Variants in ZRANB3 observed in about 807,000 individuals in gnomAD.
ZRANB3 encodes the protein DNA annealing helicase and endonuclease ZRANB3.
A neutral mutation model predicts 133.8 loss-of-function variants in ZRANB3; 125 were observed. The ratio of observed to expected loss-of-function variants is 0.93; its 90% confidence interval spans 0.81 to 1.08. The LOEUF is 1.08. Among genes scored for constraint, ZRANB3 ranks in the 50% least tolerant of loss-of-function variants. The pLI is 0.00. For synonymous variants in ZRANB3, 387 were observed against 432.7 expected (o/e 0.89, Z 1.31); for missense variants, 1,229 against 1,275.5 (o/e 0.96, Z 0.56).
At position 135,397,000 on chromosome 2, in the gene ZRANB3, G is replaced by A. The variant is rs369978115; in HGVS notation, c.162-6180C>T. On this transcript the variant is annotated intron_variant, in intron 2 of 20. Coordinates refer to ENST00000264159, the MANE Select transcript of ZRANB3 (RefSeq NM_032143.4). ...AATATTAGCCAGGTGTGTTATCCACGCCTGTAGTCTCAGCTACTAGGGATG... is the reference window on the plus strand; with the variant it reads ...AATATTAGCCAGGTGTGTTATCCACACCTGTAGTCTCAGCTACTAGGGATG... 2.6e-5 allele frequency among the ~76,000 whole-genome samples: 4 copies of A among 151,988 alleles called. 1 individual carries two copies. The highest frequency in any genetic ancestry group is 4.2e-4 in the South Asian group (2 of 4,794).
At chr2:135,209,269 G>A (rs906011346) in intron 17 of ZRANB3, among the ~76,000 whole-genome samples, 16 of 152,164 alleles carry the variant, frequency 1.1e-4, no homozygotes, top group African/African-American at 3.4e-4. Context: ...AAAAGGAGTC[G>A]GTGTGAGAAT....
At chr2:135,509,557 G>T (rs1466881546) in intron 1 of ZRANB3, among the ~76,000 whole-genome samples, 2 of 152,002 alleles carry the variant, frequency 1.3e-5, no homozygotes, top group Admixed American at 6.6e-5. Flanking sequence ...CAATTGCCAA[G>T]ACTAAAATCA....
At chr2:135,464,073 G>T (rs376582729) in intron 2 of ZRANB3, among the ~76,000 whole-genome samples, 14 of 152,138 alleles carry the variant, frequency 9.2e-5, no homozygotes, top group African/African-American at 1.4e-4. Flanking sequence ...AAAATCTCAA[G>T]GATCAAGGAT....
chr2:135,422,719 G>A (rs756137755), intron 2 of ZRANB3, among the ~76,000 whole-genome samples: 2 of 151,664 alleles, frequency 1.3e-5, no homozygotes, highest in African/African-American at 4.9e-5. Context: ...GGAGGAGAGG[G>A]TGTGAAGATG....
At chr2:135,472,377 G>A (rs1386134397) in intron 2 of ZRANB3, among the ~76,000 whole-genome samples, 4 of 152,012 alleles carry the variant, frequency 2.6e-5, no homozygotes, top group African/African-American at 4.8e-5. Flanking sequence ...GCATGTGCCT[G>A]TAGTCCCAGC....
At chr2:135,386,597 G>C (rs1686985567) in intron 3 of ZRANB3, among the ~76,000 whole-genome samples, 1 of 152,290 alleles carries the variant, frequency 6.6e-6, no homozygotes, top group African/African-American at 2.4e-5. Flanking sequence ...CAACCCAAAT[G>C]TCCATCAATG....
intron 12 of ZRANB3, among the ~76,000 whole-genome samples, chr2:135,236,749 G>A (rs757127553): frequency 0.06 from 9,041 of 151,706 alleles, 494 homozygotes; most frequent in African/African-American, 0.16. Context: ...TAGAAAGCTG[G>A]AAGTGGATCC....
intron 1 of ZRANB3, among the ~76,000 whole-genome samples, chr2:135,505,340 C>T (rs1693127200): frequency 6.6e-6 from 1 of 151,998 alleles, no homozygotes; most frequent in African/African-American, 2.4e-5. Context: ...CTCTGGGAGG[C>T]CGAGGTGGGT....
intron 3 of ZRANB3, among the ~76,000 whole-genome samples, chr2:135,390,348 C>T (rs1687169203): frequency 6.6e-6 from 1 of 152,090 alleles, no homozygotes; most frequent in South Asian, 2.1e-4. Context: ...AATAGGGATA[C>T]ATATAAGCAC....
At chr2:135,200,759 T>G (rs1321299448) in intron 20 of ZRANB3, among the ~76,000 whole-genome samples, 2 of 138,860 alleles carry the variant, frequency 1.4e-5, no homozygotes, top group Non-Finnish European at 1.5e-5. Flanking sequence ...GGAGGTTTTT[T>G]TTTTTTTTTT....
At chr2:135,495,417 T>C (rs1027641275) in intron 2 of ZRANB3, among the ~76,000 whole-genome samples, 1 of 152,182 alleles carries the variant, frequency 6.6e-6, no homozygotes, top group Admixed American at 6.5e-5. Flanking sequence ...GGCTACTCCA[T>C]AGGCAGAGCA....
chr2:135,292,447 G>C (rs1681799934), intron 8 of ZRANB3, among the ~76,000 whole-genome samples: 1 of 152,138 alleles, frequency 6.6e-6, no homozygotes, highest in African/African-American at 2.4e-5. Flanking sequence ...GGGGTTGTTT[G>C]TTTTTTCTTG....
At chr2:135,500,332 T>C (rs1692879594) in intron 2 of ZRANB3, among the ~76,000 whole-genome samples, 1 of 152,142 alleles carries the variant, frequency 6.6e-6, no homozygotes, top group South Asian at 2.1e-4. Flanking sequence ...TATAAGAACA[T>C]TCATATCATT....
chr2:135,422,140 A>G (rs189478429), intron 2 of ZRANB3, among the ~76,000 whole-genome samples: 2 of 151,918 alleles, frequency 1.3e-5, no homozygotes, highest in African/African-American at 4.8e-5. Flanking sequence ...TGTCTATTCT[A>G]TTCTATCTTT....
intron 1 of ZRANB3, among the ~76,000 whole-genome samples, chr2:135,521,147 A>G (rs1267047627): frequency 2.6e-5 from 4 of 152,226 alleles, no homozygotes; most frequent in African/African-American, 9.6e-5. Flanking sequence ...AAAGTTAGCA[A>G]CTGGTGACAT....
intron 6 of ZRANB3, among the ~76,000 whole-genome samples, chr2:135,331,592 T>A (rs1394235083): frequency 6.6e-6 from 1 of 152,128 alleles, no homozygotes; most frequent in Non-Finnish European, 1.5e-5. Context: ...GTTCAAGTCC[T>A]GGATATCCTT....
intron 2 of ZRANB3, among the ~76,000 whole-genome samples, chr2:135,471,600 T>C (rs1691274048): frequency 6.6e-6 from 1 of 152,224 alleles, no homozygotes. Flanking sequence ...TCATTTTGTA[T>C]GTAAAGAAAG....
intron 2 of ZRANB3, among the ~76,000 whole-genome samples, chr2:135,440,827 T>C (rs1689748001): frequency 6.6e-6 from 1 of 152,166 alleles, no homozygotes; most frequent in Admixed American, 6.6e-5. Context: ...AAGTTTGTGG[T>C]AATTTGTATG....
chr2:135,307,958 C>T (rs756433175), intron 8 of ZRANB3, among the ~76,000 whole-genome samples: 5 of 152,138 alleles, frequency 3.3e-5, no homozygotes, highest in African/African-American at 4.8e-5. Context: ...TAGTCCTGCA[C>T]GCCTGTAGGA....
Sources: allele counts gnomAD v4.1 joint callset (sites outside exome capture counted in the v4.1 genomes callset), GRCh38; gene constraint gnomAD v4.1.1; transcripts MANE v1.5; gene names NCBI Gene and HGNC (gene_info 2026-07-23, HGNC 2026-07-21).